SMYD3: variants seen among roughly 807,000 people sequenced by gnomAD.
The protein encoded by SMYD3 is histone-lysine N-methyltransferase SMYD3.
SMYD3 carries 36 observed loss-of-function variants against 57.7 expected under a neutral mutation model. That is an observed-to-expected ratio of 0.62 (90% CI 0.48 to 0.82). The LOEUF (loss-of-function observed/expected upper bound fraction) is 0.82, where lower values mean the gene tolerates loss of function less well. Among genes scored for constraint, SMYD3 ranks in the 40% least tolerant of loss-of-function variants. The pLI is 0.00. For missense variants in SMYD3, 515 were observed against 538.8 expected (o/e 0.96, Z 0.44); for synonymous variants, 211 against 195.0 (o/e 1.08, Z -0.68).
chr1:246,075,338 T>A (rs2060528430), intron 5 of SMYD3, among the ~76,000 whole-genome samples: 1 of 152,174 alleles, frequency 6.6e-6, no homozygotes, highest in Admixed American at 6.5e-5. Context: ...AACTCAGTCT[T>A]ACATGGTAAG....
intron 5 of SMYD3, among the ~76,000 whole-genome samples, chr1:246,093,309 C>G (rs1341020528): frequency 6.6e-6 from 1 of 152,146 alleles, no homozygotes; most frequent in Non-Finnish European, 1.5e-5. Context: ...AAAGAGATAC[C>G]TGCACTCTCA....
At chr1:246,030,632 A>T (rs897124353) in intron 5 of SMYD3, among the ~76,000 whole-genome samples, 3 of 152,222 alleles carry the variant, frequency 2.0e-5, no homozygotes, top group Non-Finnish European at 4.4e-5. Context: ...ATTACATATT[A>T]TATACACATA....
chr1:246,490,665 G>A (rs2103068288), intron 1 of SMYD3, among the ~76,000 whole-genome samples: 1 of 152,286 alleles, frequency 6.6e-6, no homozygotes, highest in South Asian at 2.1e-4. Context: ...TTGAGCCCAG[G>A]AGATCAGTCT....
At chr1:246,370,008 A>G (rs1245178580) in intron 1 of SMYD3, among the ~76,000 whole-genome samples, 1 of 152,222 alleles carries the variant, frequency 6.6e-6, no homozygotes, top group Non-Finnish European at 1.5e-5. Context: ...GCACTTTGGG[A>G]AAAGCACAGC....
chr1:245,838,531 T>C (rs1361571591), intron 10 of SMYD3, among the ~76,000 whole-genome samples: 2 of 152,224 alleles, frequency 1.3e-5, no homozygotes, highest in East Asian at 3.8e-4. Flanking sequence ...ACTCATAATT[T>C]CTGCTATATC....
intron 5 of SMYD3, among the ~76,000 whole-genome samples, chr1:246,043,226 T>C (rs1247576844): frequency 6.6e-6 from 1 of 152,256 alleles, no homozygotes; most frequent in Non-Finnish European, 1.5e-5. Context: ...GAATTTATGA[T>C]ATTCACACAA....
At chr1:246,009,340 A>T (rs564538780) in intron 5 of SMYD3, among the ~76,000 whole-genome samples, 1 of 152,336 alleles carries the variant, frequency 6.6e-6, no homozygotes, top group African/African-American at 2.4e-5. Flanking sequence ...AAGCTAGAGG[A>T]CACCACCTAC....
chr1:246,193,613 A>G (rs2062776567), intron 5 of SMYD3: 1 of 152,262 alleles, frequency 6.6e-6, no homozygotes, highest in Non-Finnish European at 1.5e-5. Flanking sequence ...CACAGTATAA[A>G]TCAGATCCAA....
chr1:246,190,510 G>A (rs972588516), intron 5 of SMYD3, among the ~76,000 whole-genome samples: 11 of 150,096 alleles, frequency 7.3e-5, no homozygotes, highest in South Asian at 6.3e-4. Flanking sequence ...GCTTGAACCC[G>A]GGAGGCAGAG....
chr1:246,405,840 G>C (rs960280805), intron 1 of SMYD3, among the ~76,000 whole-genome samples: 1 of 149,894 alleles, frequency 6.7e-6, no homozygotes, highest in South Asian at 2.1e-4. Context: ...AACCCAGGAG[G>C]CAGAGCTTGC....
intron 8 of SMYD3, among the ~76,000 whole-genome samples, chr1:245,885,993 GTAGAAAACATAATT>G (rs2053067821): frequency 6.6e-6 from 1 of 152,146 alleles, no homozygotes; most frequent in South Asian, 2.1e-4. Flanking sequence ...TATTTCAGTT[GTAGAAAACATAATT>G]TATTAATTGG....
intron 10 of SMYD3, among the ~76,000 whole-genome samples, chr1:245,836,029 C>T (rs1215797978): frequency 6.6e-6 from 1 of 152,166 alleles, no homozygotes; most frequent in African/African-American, 2.4e-5. Context: ...CCAAGAACCC[C>T]CACCTCAACT....
chr1:246,054,958 G>A (rs901220386), intron 5 of SMYD3, among the ~76,000 whole-genome samples: 2 of 150,442 alleles, frequency 1.3e-5, no homozygotes, highest in Non-Finnish European at 3.0e-5. Flanking sequence ...GGCGGATCAC[G>A]AGGTCAGGAG....
In SMYD3 at chr1:246,164,576, T is replaced by A. The variant is rs528139940; in HGVS notation, c.531+162625A>T. Among the ~76,000 whole-genome samples the A allele has an allele frequency of 7.9e-5, 12 of 152,248 alleles. No homozygotes were observed. The South Asian group carries it at 8.3e-4, about 11-fold the overall frequency. ...ACATCTTTCCTCTTCCTACAACACA[T>A]GGACGGGGGCATGTGAGTAACCAAG... On this transcript the variant is annotated intron_variant, in intron 5 of 11. Coordinates refer to ENST00000490107, the MANE Select transcript of SMYD3 (RefSeq NM_001167740.2).
chr1:245,816,717 A>G (rs898672925), intron 10 of SMYD3, among the ~76,000 whole-genome samples: 10 of 152,208 alleles, frequency 6.6e-5, no homozygotes, highest in East Asian at 3.9e-4. Flanking sequence ...GAAGCAGGGT[A>G]AGGCAATGCC....
At chr1:245,862,913 C>G (rs78423346) in intron 9 of SMYD3, among the ~76,000 whole-genome samples, 10,892 of 152,248 alleles carry the variant, frequency 0.072, 427 homozygotes, top group Non-Finnish European at 0.08. Context: ...TGCTAATAAA[C>G]TCAGTGGGCT....
At chr1:246,272,686 T>C (rs2148549522) in intron 5 of SMYD3, among the ~76,000 whole-genome samples, 1 of 152,328 alleles carries the variant, frequency 6.6e-6, no homozygotes, top group East Asian at 1.9e-4. Flanking sequence ...TTTGGTTTGC[T>C]AGTATTCTGT....
intron 10 of SMYD3, among the ~76,000 whole-genome samples, chr1:245,773,281 C>T (rs970662844): frequency 6.6e-6 from 1 of 152,144 alleles, no homozygotes; most frequent in African/African-American, 2.4e-5. Flanking sequence ...GGTGAGTGTC[C>T]TCATTAAGGG....
chr1:245,883,601 T>C (rs1487984313), intron 8 of SMYD3, among the ~76,000 whole-genome samples: 1 of 152,194 alleles, frequency 6.6e-6, no homozygotes, highest in Non-Finnish European at 1.5e-5. Context: ...GCTAAAAGAC[T>C]ATTACTTCTT....
Sources: allele counts gnomAD v4.1 joint callset (sites outside exome capture counted in the v4.1 genomes callset), GRCh38; gene constraint gnomAD v4.1.1; transcripts MANE v1.5; gene names NCBI Gene and HGNC (gene_info 2026-07-23, HGNC 2026-07-21).